Variants in DNAH8 observed in about 807,000 individuals in gnomAD.
DNAH8 encodes dynein axonemal heavy chain 8.
A neutral mutation model predicts 562.1 loss-of-function variants in DNAH8; 382 were observed. The ratio of observed to expected loss-of-function variants is 0.68; its 90% CI spans 0.63 to 0.74. The LOEUF is 0.74. DNAH8 is among the 30% of genes least tolerant of loss of function. The pLI is 0.00. For missense variants in DNAH8, 5,203 were observed against 5,620.4 expected (o/e 0.93, Z 2.37); for synonymous variants, 1,881 against 1,919.4 (o/e 0.98, Z 0.52).
At chr6:39,016,152 C>T (rs1269574583) in intron 91 of DNAH8, among the ~76,000 whole-genome samples, 2 of 152,166 alleles carry the variant, frequency 1.3e-5, no homozygotes, top group Non-Finnish European at 2.9e-5. Context: ...GTTGATCTCC[C>T]AACATGAATG....
chr6:38,998,372 C>T (rs1765276410), intron 88 of DNAH8, among the ~76,000 whole-genome samples: 1 of 152,158 alleles, frequency 6.6e-6, no homozygotes, highest in Admixed American at 6.5e-5. Flanking sequence ...GTACCAAAGA[C>T]TCTGCAAATT....
chr6:38,860,638 C>A lies in DNAH8; in HGVS notation c.6131+9C>A. 1.3e-6 allele frequency: 2 copies of A among 1,481,754 alleles called. No homozygotes were observed. The allele number at this position is 1,481,754 out of a possible 1,614,324, so 91.8% of individuals were successfully genotyped here. ...ACTCCATTAACAGATAGGTAGGAAA[C>A]CCAGTTTTCGTTTTTTATTTTGTAA... On this transcript the variant is annotated intron_variant, in intron 43 of 92. Coordinates refer to ENST00000327475, the MANE Select transcript of DNAH8 (RefSeq NM_001206927.2).
chr6:38,913,915 A>G lies in DNAH8; in HGVS notation c.9926A>G (p.Glu3309Gly). 1.2e-6 allele frequency: 2 copies of G among 1,613,322 alleles called. No homozygotes were observed. Among genetic ancestry groups the G allele is most frequent in the African/African-American group, 2.7e-5 (2 of 75,018 alleles). ...CTCTCTCAGGATCTTGCAGTCAAGG[A>G]GAAGGAGTTGGCAGTGGCTTCCATA... is the stretch of plus-strand genomic sequence containing the variant. Reference protein sequence around the residue: ...AKLSQDLAVKEKELAVASIKA... With the variant: ...AKLSQDLAVKGKELAVASIKA... Residue 3309 changes from glutamate to glycine, a missense_variant, in exon 67 of 93, where the codon GAG becomes GGG. Around this residue, in one of 6 missense-constraint regions of DNAH8, gnomAD observed 977 missense variants for 1,061.8 expected, o/e 0.92. Transcript: ENST00000327475.
At chr6:38,860,890 A>G (rs1776568104) in intron 43 of DNAH8, among the ~76,000 whole-genome samples, 1 of 152,226 alleles carries the variant, frequency 6.6e-6, no homozygotes, top group African/African-American at 2.4e-5. Flanking sequence ...AGATTGCAAG[A>G]TGGAAAAATA....
chr6:38,865,897 A>C (rs1459761746), intron 45 of DNAH8, among the ~76,000 whole-genome samples: 1 of 152,206 alleles, frequency 6.6e-6, no homozygotes, highest in Non-Finnish European at 1.5e-5. Context: ...GGTTTTTAAC[A>C]AACTTGCCTA....
chr6:38,753,031 C>G (rs968250598), intron 9 of DNAH8, among the ~76,000 whole-genome samples: 4 of 151,940 alleles, frequency 2.6e-5, no homozygotes, highest in African/African-American at 9.7e-5. Flanking sequence ...TGCTGTCACC[C>G]AGGTAGTGAG....
At chr6:38,845,466 G>A in intron 35 of DNAH8, 108 bp from the exon 36 acceptor site, 1 of 734,724 alleles carries the variant, frequency 1.4e-6, no homozygotes, top group Non-Finnish European at 2.3e-6. Flanking sequence ...TAAATGAACT[G>A]GGTGACTTAC....
Position 38,746,882 on chromosome 6 carries a change from T to C in DNAH8, c.1294-3594T>C, listed in dbSNP as rs553212516. Among the ~76,000 whole-genome samples the C allele has an allele frequency of 3.4e-4, 51 of 152,182 alleles. 5 individuals carry two copies. The South Asian group carries it at 0.01, about 30-fold the overall frequency. On this transcript the variant is annotated intron_variant, in intron 8 of 92. Coordinates refer to ENST00000327475, the MANE Select transcript of DNAH8 (RefSeq NM_001206927.2). ...AGGTAGAGGTTGCAGTGAGCTGAGA[T>C]TGTGCCACTGCACTCCAGCCTGTGT...
intron 26 of DNAH8, among the ~76,000 whole-genome samples, chr6:38,821,805 C>T (rs766975921): frequency 4.6e-5 from 7 of 152,174 alleles, no homozygotes; most frequent in Non-Finnish European, 8.8e-5. Context: ...CAAACGATCT[C>T]CCCGCCTGGG....
rs1778649964 is a variant in DNAH8 at position 38,883,301 on chromosome 6, A to G, written c.8002-21A>G. 1.9e-6 allele frequency: 3 copies of G among 1,582,506 alleles called. No homozygotes were observed. In the African/African-American group the frequency reaches 4.1e-5, roughly 22 times the overall value. On this transcript the variant is annotated intron_variant, in intron 54 of 92. Coordinates refer to ENST00000327475, the MANE Select transcript of DNAH8 (RefSeq NM_001206927.2). ...TAAATAAGTTGTAACACATTTCAAC[A>G]CTATTATCCTATGATTGCAGGCTGT... is the stretch of plus-strand genomic sequence containing the variant.
chr6:38,722,577 G>GTGTGTGT lies in DNAH8; in HGVS notation c.-34-199_-34-198insTGTGTGT, dbSNP rs1491079737. Among the ~76,000 whole-genome samples the GTGTGTGT allele has an allele frequency of 8.5e-3, 1,287 of 150,980 alleles. 14 individuals carry two copies. Among genetic ancestry groups the GTGTGTGT allele is most frequent in the African/African-American group, 0.029 (1,186 of 41,058 alleles). On this transcript the variant is annotated intron_variant, in intron 1 of 92. Transcript: ENST00000327475. ...TAAAGTCTGAAAAAGCTCCCAGGTG[G>GTGTGTGT]GTGGGGGTGTGTGTGTGTGTGTGTG...
intron 27 of DNAH8, 66 bp from the exon 28 acceptor site, chr6:38,823,496 C>T: frequency 1.6e-6 from 2 of 1,278,824 alleles, no homozygotes; most frequent in South Asian, 1.3e-5. Context: ...ATGCAATTTT[C>T]TAATGTAACT....
At chr6:39,024,894 C>T (rs1165936993) in intron 91 of DNAH8, among the ~76,000 whole-genome samples, 1 of 152,196 alleles carries the variant, frequency 6.6e-6, no homozygotes, top group African/African-American at 2.4e-5. Flanking sequence ...CACTCAGCTG[C>T]TTTGGTTGAT....
intron 17 of DNAH8, among the ~76,000 whole-genome samples, chr6:38,786,174 T>C (rs1268426434): frequency 2.0e-5 from 3 of 152,218 alleles, no homozygotes; most frequent in Admixed American, 6.5e-5. Flanking sequence ...AAAATAGATA[T>C]CTGAAAATGC....
chr6:38,997,743 T>G (rs1765234158), intron 88 of DNAH8, among the ~76,000 whole-genome samples: 1 of 152,078 alleles, frequency 6.6e-6, no homozygotes, highest in Non-Finnish European at 1.5e-5. Context: ...CATTCTTGCT[T>G]CTTTTTGTTT....
intron 89 of DNAH8, among the ~76,000 whole-genome samples, chr6:39,011,557 A>C (rs1766210870): frequency 6.6e-6 from 1 of 152,188 alleles, no homozygotes; most frequent in Non-Finnish European, 1.5e-5. Context: ...TTTTCCAATA[A>C]TTGTCATATT....
chr6:38,740,174 G>C (rs12206711), intron 7 of DNAH8, among the ~76,000 whole-genome samples: 17,829 of 152,132 alleles, frequency 0.12, 1,370 homozygotes, highest in Non-Finnish European at 0.16. Context: ...AAATTACATT[G>C]ACTGTTGCAG....
At chr6:38,987,737 C>G (rs953441417) in intron 87 of DNAH8, among the ~76,000 whole-genome samples, 7 of 152,164 alleles carry the variant, frequency 4.6e-5, no homozygotes, top group African/African-American at 1.7e-4. Context: ...ACTTCCTTAT[C>G]CTACTGAATC....
At chr6:38,976,754 A>G (rs1763706070) in intron 85 of DNAH8, among the ~76,000 whole-genome samples, 1 of 151,580 alleles carries the variant, frequency 6.6e-6, no homozygotes, top group Non-Finnish European at 1.5e-5. Context: ...GTTGAGTATA[A>G]GAGCCAAACA....
Sources: allele counts gnomAD v4.1 joint callset (sites outside exome capture counted in the v4.1 genomes callset), GRCh38; gene constraint gnomAD v4.1.1; regional missense constraint gnomAD v4.1.1; transcripts MANE v1.5; gene names NCBI Gene and HGNC (gene_info 2026-07-23, HGNC 2026-07-21).